Variants in PRKCQ observed in about 807,000 individuals in gnomAD.
PRKCQ encodes the protein protein kinase C theta.
PRKCQ carries 41 observed loss-of-function variants against 91.2 expected under a neutral mutation model. The ratio of observed to expected loss-of-function variants is 0.45; its 90% CI spans 0.35 to 0.58. The LOEUF (loss-of-function observed/expected upper bound fraction) is 0.58. Among genes scored for constraint, PRKCQ ranks in the 20% least tolerant of loss-of-function variants. The pLI is 0.00. For missense variants in PRKCQ, 673 were observed against 896.5 expected (o/e 0.75, Z 3.18); for synonymous variants, 307 against 316.9 (o/e 0.97, Z 0.33).
the PRKCQ span, among the ~76,000 whole-genome samples, chr10:6,404,953 T>TCCTTCCTTCCTTCCTTC: frequency 7.6e-5 from 4 of 52,830 alleles, no homozygotes; most frequent in Admixed American, 5.0e-4. Context: ...CTTCCTTCCT[T>TCCTTCCTTCCTTCCTTC]CTATCCTTCC....
At chr10:6,503,801 G>C (rs114755883) in intron 4 of PRKCQ, among the ~76,000 whole-genome samples, 7,387 of 152,202 alleles carry the variant, frequency 0.049, 228 homozygotes, top group African/African-American at 0.086. Flanking sequence ...TTTGGAGACA[G>C]GGTCTTGTTC....
At chr10:6,579,601 T>C (rs1039344903) in intron 1 of PRKCQ, among the ~76,000 whole-genome samples, 3 of 151,708 alleles carry the variant, frequency 2.0e-5, no homozygotes, top group Non-Finnish European at 4.4e-5. Flanking sequence ...CCCTCAAAGC[T>C]GGGGAATAAC....
intron 1 of PRKCQ, among the ~76,000 whole-genome samples, chr10:6,524,152 T>C (rs1839117316): frequency 6.6e-6 from 1 of 152,158 alleles, no homozygotes; most frequent in Non-Finnish European, 1.5e-5. Flanking sequence ...ATGAGGTCCT[T>C]AAAAAATCCT....
intron 1 of PRKCQ, among the ~76,000 whole-genome samples, chr10:6,573,250 T>A (rs1301936509): frequency 6.6e-6 from 1 of 152,218 alleles, no homozygotes; most frequent in Non-Finnish European, 1.5e-5. Context: ...AGCTAAAACA[T>A]ATCAGTGAAA....
chr10:6,451,194 A>G (rs1477632163), intron 15 of PRKCQ, among the ~76,000 whole-genome samples: 7 of 149,506 alleles, frequency 4.7e-5, no homozygotes, highest in Non-Finnish European at 1.0e-4. Flanking sequence ...ACTAATAAAG[A>G]AAAAAAGAGA....
chr10:6,395,526 C>T, the PRKCQ span, among the ~76,000 whole-genome samples: 1 of 152,250 alleles, frequency 6.6e-6, no homozygotes, highest in African/African-American at 2.4e-5. Context: ...TTAGGAGCAG[C>T]TTAGGGAGGG....
At chr10:6,443,201 G>A (rs1424246315) in intron 15 of PRKCQ, among the ~76,000 whole-genome samples, 2 of 152,160 alleles carry the variant, frequency 1.3e-5, no homozygotes, top group African/African-American at 4.8e-5. Flanking sequence ...TAGAGGGCAC[G>A]CGCCATTCTG....
At chr10:6,435,313 T>G (rs1161337642) in intron 16 of PRKCQ, among the ~76,000 whole-genome samples, 1 of 152,248 alleles carries the variant, frequency 6.6e-6, no homozygotes, top group African/African-American at 2.4e-5. Context: ...CCGGAGGACC[T>G]ATGACTTCTG....
At chr10:6,483,410 G>A (rs753528557) in intron 11 of PRKCQ, 30 bp downstream of exon 11, 1 of 1,613,582 alleles carries the variant, frequency 6.2e-7, no homozygotes, top group South Asian at 1.1e-5. Context: ...CTGGAGTTGG[G>A]CCATAGCATT....
intron 1 of PRKCQ, among the ~76,000 whole-genome samples, chr10:6,521,168 G>C (rs774193249): frequency 5.3e-5 from 8 of 152,092 alleles, no homozygotes; most frequent in Non-Finnish European, 1.2e-4. Context: ...CGAGAGAAGG[G>C]GCCATGACTT....
chr10:6,412,357 G>C, the PRKCQ span, among the ~76,000 whole-genome samples: 53,618 of 152,072 alleles, frequency 0.35, 10,346 homozygotes, highest in African/African-American at 0.51. Flanking sequence ...AGATTCAATG[G>C]AATTCCAATA....
chr10:6,474,670 G>A (rs1042235003), intron 12 of PRKCQ, among the ~76,000 whole-genome samples: 2 of 152,038 alleles, frequency 1.3e-5, no homozygotes, highest in African/African-American at 4.8e-5. Context: ...CTGTTTCAGT[G>A]TTTATTTTTC....
chr10:6,569,447 G>A (rs1554785600), intron 1 of PRKCQ, among the ~76,000 whole-genome samples: 1 of 152,110 alleles, frequency 6.6e-6, no homozygotes. Flanking sequence ...GAGAGGAAAG[G>A]AGTAGAACCT....
chr10:6,515,150 A>G lies in PRKCQ; in HGVS notation c.-9-6T>C, dbSNP rs926382510. ...AATGGCGACATGGTTGCGCCCTGGA[A>G]AAAGACAAAAGACAAACGCTGTTTG... is the stretch of plus-strand genomic sequence containing the variant. On this transcript the variant is annotated splice_region_variant and splice_polypyrimidine_tract_variant and intron_variant, in intron 1 of 17. Coordinates refer to ENST00000263125, the MANE Select transcript of PRKCQ (RefSeq NM_006257.5). 11 of 1,611,782 alleles carry G rather than the reference A, an allele frequency of 6.8e-6. No individual in the cohort carries two copies. The highest frequency in any genetic ancestry group is 8.5e-6 in the Non-Finnish European group (10 of 1,179,518).
rs1044662264 is a variant in PRKCQ at position 6,431,077 on chromosome 10, G to A, written c.1837-139C>T. ...CTCACCTTCATCAGGACTGACTAAA[G>A]TCAACCTGTCCTGGCACTCTCCCTT... On this transcript the variant is annotated intron_variant, in intron 16 of 17. Transcript: ENST00000263125. 2.6e-6 allele frequency: 3 copies of A among 1,141,908 alleles called. No homozygotes were observed. In the African/African-American group the frequency reaches 4.7e-5, roughly 18 times the overall value. 70.7% of individuals were successfully genotyped at this position (1,141,908 alleles called of 1,614,324 possible). A position where few individuals can be genotyped will look rare whatever the true frequency, so the allele number is the denominator to read the frequency against.
intron 16 of PRKCQ, among the ~76,000 whole-genome samples, chr10:6,437,059 G>C (rs576505501): frequency 6.6e-6 from 1 of 152,198 alleles, no homozygotes; most frequent in East Asian, 1.9e-4. Flanking sequence ...GACAGCCCCT[G>C]AGTCTGGAGG....
chr10:6,550,756 C>A (rs1840152794), intron 1 of PRKCQ, among the ~76,000 whole-genome samples: 1 of 152,184 alleles, frequency 6.6e-6, no homozygotes, highest in Non-Finnish European at 1.5e-5. Flanking sequence ...CTGGATCATG[C>A]AGTCATTCTA....
downstream of PRKCQ, among the ~76,000 whole-genome samples, chr10:6,424,479 C>T (rs1008332000): frequency 1.3e-5 from 2 of 152,068 alleles, no homozygotes; most frequent in African/African-American, 4.8e-5. Context: ...CCTTCTTCCC[C>T]GAAGTTGGGA....
chr10:6,529,600 A>G (rs901360630), intron 1 of PRKCQ, among the ~76,000 whole-genome samples: 25 of 152,318 alleles, frequency 1.6e-4, no homozygotes, highest in African/African-American at 5.8e-4. Flanking sequence ...GCCGAGTTCA[A>G]AAAGGCACAG....
Sources: gnomAD v4.1 joint callset for allele counts (sites outside exome capture counted in the v4.1 genomes callset) on GRCh38, gnomAD v4.1.1 for gene constraint, MANE v1.5 for transcripts, NCBI Gene and HGNC (gene_info 2026-07-23, HGNC 2026-07-21) for gene names.